Variants in OTOGL observed in about 807,000 individuals in gnomAD.
OTOGL encodes otogelin-like protein.
Under a neutral mutation model 318.5 loss-of-function variants are expected in OTOGL, and 285 were observed. The observed-to-expected ratio is 0.89, with a 90% CI of 0.81 to 0.99. OTOGL has a LOEUF of 0.99. Among genes scored for constraint, OTOGL ranks in the 50% least tolerant of loss-of-function variants. The pLI, the probability that OTOGL is intolerant of heterozygous loss-of-function variation, is 0.00. For synonymous variants in OTOGL, 987 were observed against 936.5 expected (o/e 1.05, Z -0.99); for missense variants, 2,899 against 2,845.6 (o/e 1.02, Z -0.43).
intron 1 of OTOGL, among the ~76,000 whole-genome samples, chr12:80,116,895 T>C (rs1870198820): frequency 6.6e-6 from 1 of 152,212 alleles, no homozygotes; most frequent in Non-Finnish European, 1.5e-5. Context: ...AATAATTCCA[T>C]AAAGTGTGTC....
At position 80,249,281 on chromosome 12, in the gene OTOGL, C is replaced by T. The variant is rs979278855; in HGVS notation, c.1053-2412C>T. On this transcript the variant is annotated intron_variant, in intron 11 of 58. Transcript: ENST00000547103. ...TCCAGTTTTTCTGTTGTGTTTTTTC[C>T]CCATCTTTGTGGTTTTATCTACTTT... Among the ~76,000 whole-genome samples the T allele has an allele frequency of 1.5e-4, 22 of 151,192 alleles. 1 individual carries two copies. Among genetic ancestry groups the T allele is most frequent in the Admixed American group, 1.0e-3 (16 of 15,260 alleles).
chr12:80,289,235 A>G (rs1319301465), intron 26 of OTOGL, among the ~76,000 whole-genome samples: 1 of 152,314 alleles, frequency 6.6e-6, no homozygotes, highest in South Asian at 2.1e-4. Context: ...GCTGCAGAAC[A>G]GCAAAGATTG....
chr12:80,126,596 G>T (rs1438271090), intron 1 of OTOGL, among the ~76,000 whole-genome samples: 2 of 152,146 alleles, frequency 1.3e-5, no homozygotes, highest in Non-Finnish European at 2.9e-5. Context: ...GGGTATCCTT[G>T]TTAACTTTCT....
intron 1 of OTOGL, among the ~76,000 whole-genome samples, chr12:80,139,192 T>C (rs1871767736): frequency 6.6e-6 from 1 of 152,174 alleles, no homozygotes; most frequent in Admixed American, 6.5e-5. Context: ...TCCTTGATCA[T>C]GGCGGGTGAA....
chr12:80,277,371 G>T (rs1883888105), intron 24 of OTOGL, among the ~76,000 whole-genome samples: 1 of 147,120 alleles, frequency 6.8e-6, no homozygotes, highest in African/African-American at 2.5e-5. Flanking sequence ...GATGTTATAT[G>T]TAATATATAT....
Position 80,271,780 on chromosome 12 carries a change from C to T in OTOGL, c.2651C>T (p.Pro884Leu). 7 of 1,613,034 alleles carry T rather than the reference C, an allele frequency of 4.3e-6. No individual in the cohort carries two copies. Among genetic ancestry groups the T allele is most frequent in the Non-Finnish European group, 5.9e-6 (7 of 1,179,390 alleles). ...AACTTCACCTGCACCCCATCCTCAC[C>T]CTGTATAAGTGGCTGTGTTTGTGCT... is the stretch of plus-strand genomic sequence containing the variant. ...AMNFTCTPSS[P>L]CISGCVCAPG... Residue 884 changes from proline (P) to leucine (L), a missense_variant, in exon 24 of 59, where the codon CCC (proline) becomes CTC (leucine). Coordinates refer to ENST00000547103, the MANE Select transcript of OTOGL (RefSeq NM_001378609.3).
At chr12:80,304,735 C>T (rs1359526118) in intron 28 of OTOGL, among the ~76,000 whole-genome samples, 1 of 151,990 alleles carries the variant, frequency 6.6e-6, no homozygotes, top group African/African-American at 2.4e-5. Flanking sequence ...ATCCTTGTTT[C>T]CAGCAAGAAT....
At chr12:80,279,990 AT>A (rs1413866526) in intron 26 of OTOGL, among the ~76,000 whole-genome samples, 1 of 151,778 alleles carries the variant, frequency 6.6e-6, no homozygotes, top group African/African-American at 2.4e-5. Flanking sequence ...AATAATAGCC[AT>A]TTTGACTGCT....
At chr12:80,125,651 G>T (rs1366666436) in intron 1 of OTOGL, among the ~76,000 whole-genome samples, 11 of 152,192 alleles carry the variant, frequency 7.2e-5, no homozygotes, top group Non-Finnish European at 1.5e-4. Flanking sequence ...GAATTCGGCT[G>T]TGAATCCATC....
chr12:80,121,631 TA>T (rs1302620022), intron 1 of OTOGL, among the ~76,000 whole-genome samples: 2 of 152,222 alleles, frequency 1.3e-5, no homozygotes, highest in Non-Finnish European at 2.9e-5. Flanking sequence ...TTTGGTTTTC[TA>T]ATTGGCCAAG....
At chr12:80,368,984 C>G (rs1333565347) in intron 55 of OTOGL, among the ~76,000 whole-genome samples, 2 of 151,394 alleles carry the variant, frequency 1.3e-5, no homozygotes, top group Admixed American at 6.6e-5. Flanking sequence ...CAAAAATACA[C>G]TTGATATGGT....
intron 1 of OTOGL, chr12:80,189,599 A>G (rs1875534439): frequency 2.0e-6 from 1 of 505,560 alleles, no homozygotes; most frequent in South Asian, 8.5e-5. Flanking sequence ...ATAGATTGCA[A>G]AACTCATATT....
chr12:80,261,045 A>G (rs1050177548), intron 18 of OTOGL, among the ~76,000 whole-genome samples: 1 of 152,150 alleles, frequency 6.6e-6, no homozygotes, highest in Non-Finnish European at 1.5e-5. Flanking sequence ...GGGTGGGGAC[A>G]AGGAAATGGC....
At chr12:80,165,377 T>C (rs1050918711) in intron 1 of OTOGL, among the ~76,000 whole-genome samples, 3 of 152,188 alleles carry the variant, frequency 2.0e-5, no homozygotes, top group African/African-American at 7.2e-5. Flanking sequence ...TGCAAAGTAT[T>C]ATATCTGATT....
chr12:80,347,254 C>G (rs900164305), intron 44 of OTOGL, among the ~76,000 whole-genome samples: 1 of 151,986 alleles, frequency 6.6e-6, no homozygotes, highest in Non-Finnish European at 1.5e-5. Context: ...CCCATCAACC[C>G]GTCATCTACA....
rs1268232166 is a variant in OTOGL, at chr12:80,323,770, G to T, written c.4129G>T (p.Glu1377Ter). ...CAGGAAGATGTGTGAATGGAGATAT[G>T]AACCTTGTGCTACACCCTGTTTTAA... Reference protein sequence around the residue: ...PYRKMCEWRYEPCATPCFKTC... With the variant: ...PYRKMCEWRY The change falls in exon 35 of 59, where the codon GAA (glutamate) becomes TAA (stop). Residue 1377 changes from glutamate (E) to a stop codon, truncating the protein, a stop_gained. Transcript: ENST00000547103. LOFTEE classifies it high-confidence loss of function. 6.2e-7 allele frequency: 1 copy of T among 1,613,814 alleles called. No individual in the cohort carries two copies. Among genetic ancestry groups the T allele is most frequent in the East Asian group, 2.2e-5 (1 of 44,894 alleles).
chr12:80,171,589 G>GA (rs1026467437), intron 1 of OTOGL, among the ~76,000 whole-genome samples: 1 of 152,052 alleles, frequency 6.6e-6, no homozygotes, highest in African/African-American at 2.4e-5. Context: ...TAGTAAGTCT[G>GA]AAAAATCAGG....
At chr12:80,132,903 T>G (rs1243512116) in intron 1 of OTOGL, 1 of 152,192 alleles carries the variant, frequency 6.6e-6, no homozygotes, top group Non-Finnish European at 1.5e-5. Flanking sequence ...TATGAATGTC[T>G]TCCCCCATTT....
intron 8 of OTOGL, among the ~76,000 whole-genome samples, chr12:80,230,166 C>A (rs1214090609): frequency 6.6e-6 from 1 of 152,076 alleles, no homozygotes; most frequent in Non-Finnish European, 1.5e-5. Context: ...AGTGTTTGAA[C>A]CATAGGAATT....
Sources: allele counts gnomAD v4.1 joint callset (sites outside exome capture counted in the v4.1 genomes callset), GRCh38; gene constraint gnomAD v4.1.1; transcripts MANE v1.5; gene names NCBI Gene and HGNC (gene_info 2026-07-23, HGNC 2026-07-21).